Variants in ANK2 observed in about 807,000 individuals in gnomAD.
ANK2 encodes the protein ankyrin 2.
ANK2 carries 83 observed loss-of-function variants against 360.5 expected under a neutral mutation model. The ratio of observed to expected loss-of-function variants is 0.23; its 90% confidence interval spans 0.19 to 0.28. The LOEUF (loss-of-function observed/expected upper bound fraction) is 0.28, where lower values mean the gene tolerates loss of function less well. ANK2 is among the 10% of genes least tolerant of loss of function. The probability of loss-of-function intolerance (pLI) is 1.00; values close to 1 mark genes in which losing one functional copy is unlikely to be tolerated. For missense variants in ANK2, 4,201 were observed against 4,795.7 expected (o/e 0.88, Z 3.66); for synonymous variants, 1,740 against 1,759.5 (o/e 0.99, Z 0.28).
the ANK2 span, among the ~76,000 whole-genome samples, chr4:112,721,294 C>T: frequency 1.5e-4 from 23 of 152,134 alleles, no homozygotes; most frequent in Non-Finnish European, 2.8e-4. Flanking sequence ...AATCCCAGCA[C>T]TTTGGGAGGC....
At chr4:113,025,980 G>T (rs572678043) in intron 2 of ANK2, among the ~76,000 whole-genome samples, 3 of 152,224 alleles carry the variant, frequency 2.0e-5, no homozygotes, top group African/African-American at 4.8e-5. Context: ...GAAACAGCAG[G>T]TTAAGTAAAT....
intron 1 of ANK2, among the ~76,000 whole-genome samples, chr4:113,131,095 A>T (rs1193377334): frequency 6.6e-6 from 1 of 152,172 alleles, no homozygotes; most frequent in Non-Finnish European, 1.5e-5. Flanking sequence ...AAACTGTAAC[A>T]GTTTTTAATG....
intron 2 of ANK2, among the ~76,000 whole-genome samples, chr4:112,917,728 A>G (rs1229208410): frequency 6.6e-6 from 1 of 152,242 alleles, no homozygotes; most frequent in Admixed American, 6.5e-5. Context: ...GTGAATTCAC[A>G]TTAAGTAACC....
At chr4:112,816,677 A>T (rs2055668117), upstream of ANK2, among the ~76,000 whole-genome samples, 1 of 152,200 alleles carries the variant, frequency 6.6e-6, no homozygotes. Context: ...CTAATTATTA[A>T]ACTAAGGAAA....
At chr4:112,846,148 C>T (rs2063246795) in intron 1 of ANK2, among the ~76,000 whole-genome samples, 1 of 152,056 alleles carries the variant, frequency 6.6e-6, no homozygotes, top group Admixed American at 6.6e-5. Flanking sequence ...TAGGGTCTCA[C>T]TTTGTCTCCC....
chr4:112,710,066 G>A, the ANK2 span, among the ~76,000 whole-genome samples: 2 of 152,186 alleles, frequency 1.3e-5, no homozygotes, highest in Admixed American at 6.5e-5. Context: ...GGTGCTGAGC[G>A]AGGCATAGTT....
upstream of ANK2, among the ~76,000 whole-genome samples, chr4:112,817,657 A>G (rs935307668): frequency 6.6e-6 from 1 of 151,506 alleles, no homozygotes; most frequent in African/African-American, 2.4e-5. Flanking sequence ...ATATATGTAT[A>G]TATAGATATA....
At chr4:113,340,340 T>C (rs1264841558) in intron 32 of ANK2, among the ~76,000 whole-genome samples, 1 of 152,214 alleles carries the variant, frequency 6.6e-6, no homozygotes, top group Non-Finnish European at 1.5e-5. Context: ...GATGCAAAGA[T>C]AGAATGAGAA....
chr4:112,808,385 G>A, the ANK2 span, among the ~76,000 whole-genome samples: 1 of 152,244 alleles, frequency 6.6e-6, no homozygotes, highest in Non-Finnish European at 1.5e-5. Flanking sequence ...CTCCCATTAT[G>A]TGAAAGAAGG....
chr4:112,773,080 G>A, the ANK2 span, among the ~76,000 whole-genome samples: 1 of 152,194 alleles, frequency 6.6e-6, no homozygotes, highest in African/African-American at 2.4e-5. Flanking sequence ...AACTTTGGGA[G>A]GTCGAGGTGG....
chr4:113,167,601 G>A (rs1051460063), intron 1 of ANK2, among the ~76,000 whole-genome samples: 1 of 151,926 alleles, frequency 6.6e-6, no homozygotes, highest in African/African-American at 2.4e-5. Flanking sequence ...CGCCCGGCCA[G>A]GTCACCATCT....
At chr4:112,757,965 G>A in the ANK2 span, among the ~76,000 whole-genome samples, 3 of 145,576 alleles carry the variant, frequency 2.1e-5, no homozygotes, top group Admixed American at 2.0e-4. Context: ...CTGCAACGGC[G>A]CCGTCCTGGC....
At chr4:113,202,981 T>C (rs547784199) in intron 4 of ANK2, among the ~76,000 whole-genome samples, 1 of 152,368 alleles carries the variant, frequency 6.6e-6, no homozygotes, top group African/African-American at 2.4e-5. Flanking sequence ...CCCCTGACCA[T>C]GTAGCTCTCT....
At chr4:112,802,336 T>C in the ANK2 span, among the ~76,000 whole-genome samples, 157 of 152,294 alleles carry the variant, frequency 1.0e-3, no homozygotes, top group African/African-American at 3.2e-3. Flanking sequence ...TCCTGTGGAA[T>C]TGGATCCAAA....
At position 113,356,502 on chromosome 4, in the gene ANK2, T is replaced by C; in HGVS notation, c.7884T>C (p.Ala2628=). 1.2e-6 allele frequency: 2 copies of C among 1,614,198 alleles called. No individual in the cohort carries two copies. Among genetic ancestry groups the C allele is most frequent in the Non-Finnish European group, 1.7e-6 (2 of 1,180,002 alleles). ...EESSSSSDPD[A]DCSVDVDEPK... ...CTTCTTCATCTTCTGACCCAGATGC[T>C]GACTGTTCAGTAGATGTGGATGAAC... Residue 2628 remains alanine, a synonymous_variant, in exon 38 of 46, where the codon GCT becomes GCC. Transcript: ENST00000357077.
intron 7 of ANK2, among the ~76,000 whole-genome samples, chr4:113,238,205 T>A (rs2099398907): frequency 6.6e-6 from 1 of 152,206 alleles, no homozygotes; most frequent in African/African-American, 2.4e-5. Flanking sequence ...ATAAGAACAT[T>A]AAGTTCAGAA....
chr4:112,709,260 A>G, the ANK2 span, among the ~76,000 whole-genome samples: 524 of 152,254 alleles, frequency 3.4e-3, 2 homozygotes, highest in Admixed American at 7.1e-3. Context: ...ATGAAAATAG[A>G]TTTCGTGGAC....
At chr4:113,340,727 AAAC>A (rs141047098) in intron 32 of ANK2, among the ~76,000 whole-genome samples, 30,731 of 151,698 alleles carry the variant, frequency 0.2, 5,111 homozygotes, top group African/African-American at 0.46. Context: ...AACAAACAAA[AAAC>A]AAACAAACAA....
intron 1 of ANK2, among the ~76,000 whole-genome samples, chr4:113,067,946 C>G (rs183304011): frequency 6.6e-6 from 1 of 152,314 alleles, no homozygotes; most frequent in East Asian, 1.9e-4. Flanking sequence ...ATACTGATCA[C>G]ACAGTCACTA....
Sources: allele counts gnomAD v4.1 joint callset (sites outside exome capture counted in the v4.1 genomes callset), GRCh38; gene constraint gnomAD v4.1.1; transcripts MANE v1.5; gene names NCBI Gene and HGNC (gene_info 2026-07-23, HGNC 2026-07-21).